The following MPP2 variants were observed in gnomAD, a reference collection of about 807,000 sequenced individuals.
MPP2 encodes the protein MAGUK p55 subfamily member 2.
MPP2 carries 42 observed loss-of-function variants against 58.5 expected under a neutral mutation model. The ratio of observed to expected loss-of-function variants is 0.72; its 90% confidence interval spans 0.56 to 0.93. The LOEUF (loss-of-function observed/expected upper bound fraction) is 0.93, where lower values mean the gene tolerates loss of function less well. Among genes scored for constraint, MPP2 ranks in the 40% least tolerant of loss-of-function variants. The pLI is 0.00. For synonymous variants in MPP2, 300 were observed against 307.8 expected, an observed-to-expected ratio of 0.97 and a Z score of 0.26; for missense variants, 632 against 760.4, an observed-to-expected ratio of 0.83 and a Z score of 1.99.
At chr17:43,884,207 A>G in intron 3 of MPP2, 1 of 683,678 alleles carries the variant, frequency 1.5e-6, no homozygotes, top group Non-Finnish European at 2.7e-6. Context: ...GACAGTCCAC[A>G]TTCAAATGTT....
At chr17:43,905,660 G>A (rs982875226) in intron 1 of MPP2, 50 of 152,312 alleles carry the variant, frequency 3.3e-4, no homozygotes, top group Admixed American at 3.0e-3. Context: ...GGTGGGGAGT[G>A]GGGGGAAGCA....
rs575372540 is a variant in MPP2 at position 43,891,717 on chromosome 17, G to A, written c.150+6545C>T. ...TCAAGACCAGCCTGGGCAACACGGT[G>A]AGACCTCACCTTTCTTTTAAAATAA... is the stretch of plus-strand genomic sequence containing the variant. On this transcript the variant is annotated intron_variant, in intron 3 of 12. Transcript: ENST00000269095. Among the ~76,000 whole-genome samples the A allele has an allele frequency of 4.6e-4, 70 of 152,234 alleles. No homozygotes were observed. In the Middle Eastern group the frequency reaches 0.024, roughly 52 times the overall value.
In MPP2 at chr17:43,882,517, G is replaced by A; in HGVS notation, c.454-6C>T. The A allele has an allele frequency of 1.2e-6, 2 of 1,601,864 alleles. No homozygotes were observed. Among genetic ancestry groups the A allele is most frequent in the Admixed American group, 1.7e-5 (1 of 59,978 alleles). ...TCCACGCGGAACGTTACACCCTGGA[G>A]GTCAGAGGGAGTGTAAGATGAGGCC... On this transcript the variant is annotated splice_polypyrimidine_tract_variant and splice_region_variant and intron_variant, in intron 5 of 12. Transcript: ENST00000269095.
intron 6 of MPP2, among the ~76,000 whole-genome samples, chr17:43,881,910 T>C (rs762434730): frequency 6.2e-4 from 94 of 151,964 alleles, no homozygotes; most frequent in Non-Finnish European, 1.2e-3. Flanking sequence ...AGAGACCCAA[T>C]AGGATAGGGA....
chr17:43,877,749 G>A lies in MPP2; in HGVS notation c.*58C>T. The A allele has an allele frequency of 2.1e-6, 3 of 1,458,358 alleles. No homozygotes were observed. In the East Asian group the frequency reaches 6.9e-5, roughly 33 times the overall value. The allele number at this position is 1,458,358 out of a possible 1,614,324, so 90.3% of individuals were successfully genotyped here. On this transcript the variant is annotated 3_prime_UTR_variant, in exon 13 of 13. Transcript: ENST00000269095. Reference sequence around the variant, plus strand: ...GGCAGGGGGTCACAGGTCAGGAGGGGGATGGATTCAGGTTCTGGGTTTCAA... The same window carrying A: ...GGCAGGGGGTCACAGGTCAGGAGGGAGATGGATTCAGGTTCTGGGTTTCAA...
upstream of MPP2, among the ~76,000 whole-genome samples, chr17:43,908,671 C>T (rs1356572173): frequency 1.3e-5 from 2 of 152,112 alleles, no homozygotes; most frequent in African/African-American, 4.8e-5. Context: ...ATTGCAACAC[C>T]GCACTCCAGC....
At chr17:43,906,283 C>G (rs996943230) in intron 1 of MPP2, 9 of 278,244 alleles carry the variant, frequency 3.2e-5, no homozygotes, top group African/African-American at 4.6e-5. Context: ...TTTGCTCCCC[C>G]ACGCCCGTCC....
chr17:43,881,075 C>A lies in MPP2; in HGVS notation c.988+15G>T. ...TGTTAGAGGAGGGTAAGGGAGGGGG[C>A]GCTCTGATACCCACCTGCATTCTTG... On this transcript the variant is annotated intron_variant, in intron 9 of 12. Coordinates refer to ENST00000269095, the MANE Select transcript of MPP2 (RefSeq NM_005374.5). 1 of 1,612,852 alleles carries A rather than the reference C, an allele frequency of 6.2e-7. No individual in the cohort carries two copies. Among genetic ancestry groups the A allele is most frequent in the Non-Finnish European group, 8.5e-7 (1 of 1,179,492 alleles).
chr17:43,883,135 A>G, intron 4 of MPP2, 68 bp downstream of exon 4: 2 of 1,555,410 alleles, frequency 1.3e-6, no homozygotes, highest in Non-Finnish European at 1.7e-6. Context: ...CTGCTGGCCC[A>G]TCCAACAGCA....
intron 2 of MPP2, chr17:43,901,656 A>G (rs979714038): frequency 6.7e-6 from 6 of 893,640 alleles, no homozygotes; most frequent in Non-Finnish European, 8.0e-6. Context: ...CTCCACCTGA[A>G]AGCAGCCACA....
At chr17:43,900,981 T>A (rs1028816389) in intron 2 of MPP2, among the ~76,000 whole-genome samples, 1 of 151,950 alleles carries the variant, frequency 6.6e-6, no homozygotes, top group Admixed American at 6.6e-5. Flanking sequence ...ATCTTGTCCC[T>A]GTACCCTCTT....
chr17:43,903,325 C>T (rs943609762), intron 2 of MPP2, among the ~76,000 whole-genome samples: 7 of 151,782 alleles, frequency 4.6e-5, no homozygotes, highest in Admixed American at 2.6e-4. Flanking sequence ...TGATCTTGTC[C>T]CATCATCTCA....
At chr17:43,878,061 C>A in intron 12 of MPP2, 78 bp from the exon 13 acceptor site, 1 of 1,457,214 alleles carries the variant, frequency 6.9e-7, no homozygotes, top group East Asian at 2.4e-5. Context: ...TACAGCTGCC[C>A]CCACTCCCCC....
chr17:43,899,776 A>G (rs2048010792), intron 2 of MPP2, among the ~76,000 whole-genome samples: 1 of 152,106 alleles, frequency 6.6e-6, no homozygotes, highest in African/African-American at 2.4e-5. Flanking sequence ...CTGGGCCGCA[A>G]CAATGCCCCC....
rs866287847 is a variant in MPP2, at chr17:43,889,808, T to G, written c.151-6453A>C. On this transcript the variant is annotated intron_variant, in intron 3 of 12. Coordinates refer to ENST00000269095, the MANE Select transcript of MPP2 (RefSeq NM_005374.5). ...GGAATTGTGTCTGTCCAAATGCGTT[T>G]TTTTTTTTGTTTTTTTTTTTTTGAG... is the stretch of plus-strand genomic sequence containing the variant. Among the ~76,000 whole-genome samples the G allele has an allele frequency of 1.7e-4, 6 of 35,946 alleles. No homozygotes were observed. The South Asian group carries it at 8.6e-3, about 51-fold the overall frequency. 23.6% of individuals were successfully genotyped at this position (35,946 alleles called of 152,430 possible).
At chr17:43,901,612 A>T (rs1330070615) in intron 2 of MPP2, 1 of 983,740 alleles carries the variant, frequency 1.0e-6, no homozygotes, top group Non-Finnish European at 1.2e-6. Flanking sequence ...CCAGGACAGT[A>T]ACCCAGGGAT....
Position 43,907,524 on chromosome 17 carries a change from C to T in MPP2, c.-84G>A, listed in dbSNP as rs2143821369. 1.0e-6 allele frequency: 1 copy of T among 985,530 alleles called. No homozygotes were observed. The highest frequency in any genetic ancestry group is 1.1e-4 in the East Asian group (1 of 8,818). 61.0% of individuals were successfully genotyped at this position (985,530 alleles called of 1,614,324 possible). ...CGGGCGGCTCCAGCGCAGCCGGGCG[C>T]TCAGCGTTTATTGCTTGTCAATCGC... On this transcript the variant is annotated 5_prime_UTR_variant, in exon 1 of 13. Coordinates refer to ENST00000269095, the MANE Select transcript of MPP2 (RefSeq NM_005374.5).
chr17:43,908,668 C>T (rs917966034), upstream of MPP2, among the ~76,000 whole-genome samples: 2 of 152,194 alleles, frequency 1.3e-5, no homozygotes, highest in Non-Finnish European at 2.9e-5. Flanking sequence ...GAGATTGCAA[C>T]ACCGCACTCC....
rs567196143 is a variant in MPP2, at chr17:43,876,339, C to T, written c.*1468G>A. The T allele has an allele frequency of 6.6e-6, 1 of 152,242 alleles. No individual in the cohort carries two copies. Among genetic ancestry groups the T allele is most frequent in the African/African-American group, 2.4e-5 (1 of 41,306 alleles). 9.4% of individuals were successfully genotyped at this position (152,242 alleles called of 1,614,324 possible). ...AGGTTGTCCCCTCTGAGGACAGGCT[C>T]CCCCCGGAAGGAATGCAGAGAATAA... On this transcript the variant is annotated 3_prime_UTR_variant, in exon 13 of 13. Coordinates refer to ENST00000269095, the MANE Select transcript of MPP2 (RefSeq NM_005374.5).
Sources: gnomAD v4.1 joint callset for allele counts (sites outside exome capture counted in the v4.1 genomes callset) on GRCh38, gnomAD v4.1.1 for gene constraint, MANE v1.5 for transcripts, NCBI Gene and HGNC (gene_info 2026-07-23, HGNC 2026-07-21) for gene names.